Variants in DNAI4 observed in about 807,000 individuals in gnomAD.
DNAI4 encodes the protein WD repeat domain 78.
A neutral mutation model predicts 105.8 loss-of-function variants in DNAI4; 85 were observed. The ratio of observed to expected loss-of-function variants is 0.80; its 90% confidence interval spans 0.67 to 0.96. The LOEUF (loss-of-function observed/expected upper bound fraction) is 0.96, where lower values mean the gene tolerates loss of function less well. Among genes scored for constraint, DNAI4 ranks in the 40% least tolerant of loss-of-function variants. The pLI, the probability that DNAI4 is intolerant of heterozygous loss-of-function variation, is 0.00. For missense variants in DNAI4, 1,014 were observed against 1,005.6 expected (o/e 1.01, Z -0.11); for synonymous variants, 352 against 331.5 (o/e 1.06, Z -0.67).
rs56842115 is a variant in DNAI4, at chr1:66,890,866, G to GGAAGAAGAAGAA, written c.643+276_643+287dup. On this transcript the variant is annotated intron_variant, in intron 4 of 16. Coordinates refer to ENST00000371026, the MANE Select transcript of DNAI4 (RefSeq NM_024763.5). This position sits in a 1 kb window ranked among gnomAD's most constrained non-coding sequence, Gnocchi z 4.1. ...AGGAAGAGGAAGAAGAAGAGGAAGA[G>GGAAGAAGAAGAA]GAAGAAGAAGAAGAAGAAGCAGAAG... 798 of 420,120 alleles carry GGAAGAAGAAGAA rather than the reference G, an allele frequency of 1.9e-3. 8 individuals carry two copies. The highest frequency in any genetic ancestry group is 0.015 in the African/African-American group (707 of 46,912). The allele number at this position is 420,120 out of a possible 1,614,324, so 26.0% of individuals were successfully genotyped here.
At chr1:66,827,427 G>T (rs531178434) in intron 14 of DNAI4, among the ~76,000 whole-genome samples, 24 of 152,194 alleles carry the variant, frequency 1.6e-4, no homozygotes, top group African/African-American at 5.5e-4. Context: ...AAAGTGGGAA[G>T]ATCAAGTGGA....
intron 15 of DNAI4, 29 bp from the exon 16 acceptor site, chr1:66,822,546 C>T: frequency 1.3e-6 from 2 of 1,519,406 alleles, no homozygotes; most frequent in Non-Finnish European, 1.8e-6. Context: ...TTTGTAAATT[C>T]AATTGTTATA....
intron 2 of DNAI4, among the ~76,000 whole-genome samples, chr1:66,893,990 T>A (rs1171351371): frequency 2.6e-5 from 4 of 152,160 alleles, no homozygotes; most frequent in Non-Finnish European, 5.9e-5. Flanking sequence ...CCTACTGCAC[T>A]GCCAGTCATA....
chr1:66,908,820 T>C (rs1355914032), intron 1 of DNAI4, among the ~76,000 whole-genome samples: 1 of 152,212 alleles, frequency 6.6e-6, no homozygotes, highest in Non-Finnish European at 1.5e-5. Flanking sequence ...TTTAAGGCTA[T>C]CTTATACCTT....
intron 6 of DNAI4, among the ~76,000 whole-genome samples, chr1:66,863,168 A>G (rs1646662843): frequency 6.6e-6 from 1 of 152,244 alleles, no homozygotes; most frequent in Non-Finnish European, 1.5e-5. Context: ...ATAATAACTT[A>G]AAAACTCCAA....
At position 66,893,247 on chromosome 1, in the gene DNAI4, G is replaced by C; in HGVS notation, c.512C>G (p.Thr171Arg). 1 of 1,590,668 alleles carries C rather than the reference G, an allele frequency of 6.3e-7. No homozygotes were observed. Among genetic ancestry groups the C allele is most frequent in the South Asian group, 1.1e-5 (1 of 87,166 alleles). ...ACTCTACCTTGTAAACTGCCCTAAC[G>C]TACTAGGATTTATTGTATTCTGATA... Reference protein sequence around the residue: ...SLYQNTINPSTLGQFTRSVLG... With the variant: ...SLYQNTINPSRLGQFTRSVLG... Residue 171 changes from threonine to arginine, a missense_variant, in exon 3 of 17, where the codon ACG (threonine) becomes AGG (arginine). Transcript: ENST00000371026.
At chr1:66,872,216 T>A (rs1319588849) in intron 5 of DNAI4, among the ~76,000 whole-genome samples, 5 of 101,306 alleles carry the variant, frequency 4.9e-5, no homozygotes, top group Middle Eastern at 5.5e-3. Flanking sequence ...TTTATTTATT[T>A]ATTATTTATT....
chr1:66,817,736 T>C (rs747476122), intron 16 of DNAI4, among the ~76,000 whole-genome samples: 11 of 152,192 alleles, frequency 7.2e-5, no homozygotes, highest in Non-Finnish European at 1.5e-4. Context: ...TCCAGCAACA[T>C]GGGCAAGGTT....
chr1:66,871,404 A>G lies in DNAI4; in HGVS notation c.906T>C (p.Asp302=), dbSNP rs754085147. ...CCATTATGATTTTATCACATTGAAC[A>G]TCTTTATTCTTTGGTGCTCCATTGA... ...QTFNGAPKNK[D]VQCDKIIMED... The change falls in exon 6 of 17, where the codon GAT becomes GAC. Residue 302 remains aspartate, a synonymous_variant. Transcript: ENST00000371026. 1.2e-6 allele frequency: 2 copies of G among 1,610,548 alleles called. No individual in the cohort carries two copies. Among genetic ancestry groups the G allele is most frequent in the Admixed American group, 1.7e-5 (1 of 59,730 alleles).
chr1:66,838,850 T>G (rs777654774), intron 9 of DNAI4, among the ~76,000 whole-genome samples: 2 of 152,226 alleles, frequency 1.3e-5, no homozygotes, highest in Non-Finnish European at 2.9e-5. Flanking sequence ...CAGCACTGTT[T>G]ATTTTCCTCA....
At position 66,883,596 on chromosome 1, in the gene DNAI4, T is replaced by C. The variant is rs898958530; in HGVS notation, c.643+7558A>G. On this transcript the variant is annotated intron_variant, in intron 4 of 16. Coordinates refer to ENST00000371026, the MANE Select transcript of DNAI4 (RefSeq NM_024763.5). Reference sequence around the variant, plus strand: ...CTTGGCCCAATCTGCATGAACTTTATTCCTTTTTTAAAAAGTAAGCCTAGT... The same window carrying C: ...CTTGGCCCAATCTGCATGAACTTTACTCCTTTTTTAAAAAGTAAGCCTAGT... 7.2e-5 allele frequency among the ~76,000 whole-genome samples: 11 copies of C among 152,294 alleles called. 2 individuals carry two copies. Among genetic ancestry groups the C allele is most frequent in the Admixed American group, 1.3e-4 (2 of 15,292 alleles).
At chr1:66,905,893 G>A (rs894333123) in intron 1 of DNAI4, among the ~76,000 whole-genome samples, 41 of 149,484 alleles carry the variant, frequency 2.7e-4, no homozygotes, top group African/African-American at 8.6e-4. Flanking sequence ...AAAGAATAGC[G>A]TGTTCCTTCC....
At chr1:66,898,896 C>T (rs544264849) in intron 2 of DNAI4, among the ~76,000 whole-genome samples, 1 of 152,144 alleles carries the variant, frequency 6.6e-6, no homozygotes, top group Non-Finnish European at 1.5e-5. Context: ...TTGTGACTGG[C>T]TTGTCTCACT....
intron 7 of DNAI4, among the ~76,000 whole-genome samples, chr1:66,858,532 CAAA>C (rs3033717): frequency 1.6e-5 from 1 of 63,582 alleles, no homozygotes; most frequent in Non-Finnish European, 3.1e-5. Flanking sequence ...GACTCCGTCT[CAAA>C]AAAAAAAAAA....
At chr1:66,855,163 G>T (rs1646474333) in intron 7 of DNAI4, among the ~76,000 whole-genome samples, 1 of 152,228 alleles carries the variant, frequency 6.6e-6, no homozygotes, top group Non-Finnish European at 1.5e-5. Flanking sequence ...CAGACAAGTA[G>T]GAATATCTGC....
chr1:66,870,192 C>G (rs1272395141), intron 6 of DNAI4, among the ~76,000 whole-genome samples: 2 of 152,092 alleles, frequency 1.3e-5, no homozygotes, highest in Non-Finnish European at 2.9e-5. Context: ...GCCTGGAATC[C>G]CAGCACTCTG....
intron 1 of DNAI4, among the ~76,000 whole-genome samples, chr1:66,916,688 G>T (rs112600567): frequency 6.6e-6 from 1 of 152,142 alleles, no homozygotes; most frequent in African/African-American, 2.4e-5. Flanking sequence ...CAGATTAACA[G>T]GGTTTTCTTG....
At chr1:66,855,095 C>A (rs1646472832) in intron 7 of DNAI4, among the ~76,000 whole-genome samples, 1 of 152,188 alleles carries the variant, frequency 6.6e-6, no homozygotes, top group Non-Finnish European at 1.5e-5. Flanking sequence ...GCCTCCTTAA[C>A]AAAGCTTTCC....
chr1:66,858,911 C>T (rs1037413629), intron 7 of DNAI4, among the ~76,000 whole-genome samples: 3 of 151,984 alleles, frequency 2.0e-5, no homozygotes, highest in Non-Finnish European at 4.4e-5. Flanking sequence ...TAGGATATCC[C>T]TTCTCACACA....
Sources: gnomAD v4.1 joint callset for allele counts (sites outside exome capture counted in the v4.1 genomes callset) on GRCh38, gnomAD v4.1.1 for gene constraint, Gnocchi (gnomAD v3.1) non-coding constraint, MANE v1.5 for transcripts, NCBI Gene and HGNC (gene_info 2026-07-23, HGNC 2026-07-21) for gene names.